Variants in LRP1B observed in about 807,000 individuals in gnomAD.
LRP1B encodes low-density lipoprotein receptor-related protein 1B.
In LRP1B, 217 loss-of-function variants were observed where a neutral mutation model predicts 556.6. The observed-to-expected ratio is 0.39, with a 90% CI of 0.35 to 0.44. The LOEUF (loss-of-function observed/expected upper bound fraction) is 0.44. LRP1B is among the 20% of genes least tolerant of loss of function. The pLI, the probability that LRP1B is intolerant of heterozygous loss-of-function variation, is 1.00. For synonymous variants in LRP1B, 2,047 were observed against 1,865.8 expected (o/e 1.10, Z -2.50); for missense variants, 5,053 against 5,620.8 (o/e 0.90, Z 3.23).
Position 140,247,158 on chromosome 2 carries a change from A to C in LRP1B, c.13252T>G (p.Ser4418Ala), listed in dbSNP as rs1681201812. The C allele has an allele frequency of 6.2e-7, 1 of 1,607,330 alleles. No individual in the cohort carries two copies. The highest frequency in any genetic ancestry group is 8.5e-7 in the Non-Finnish European group (1 of 1,174,996). The change falls in exon 87 of 91, where the codon TCC becomes GCC. Residue 4418 changes from serine (S) to alanine (A), a missense_variant. Ser to Ala is a moderately conservative substitution (Grantham distance 99). Transcript: ENST00000389484. The part of the protein sequence containing the change: ...PETNVPVCLC[S>A]TNWSGTQCER... The stretch of plus-strand genomic sequence containing the variant: ...CACTGTGTGCCTGACCAGTTGGTGG[A>C]GCATCTAAAAATATCCAAACAACAA...
At chr2:141,584,310 G>T (rs1291521588) in intron 2 of LRP1B, among the ~76,000 whole-genome samples, 3 of 152,082 alleles carry the variant, frequency 2.0e-5, no homozygotes, top group Admixed American at 6.5e-5. Context: ...GAGATGGAAT[G>T]GTCAAGTGAT....
At chr2:141,425,499 A>T (rs1434697945) in intron 3 of LRP1B, among the ~76,000 whole-genome samples, 1 of 151,178 alleles carries the variant, frequency 6.6e-6, no homozygotes, top group Non-Finnish European at 1.5e-5. Flanking sequence ...CGCCACACTG[A>T]CTTCCACAAT....
intron 1 of LRP1B, among the ~76,000 whole-genome samples, chr2:142,040,034 T>G (rs1203545220): frequency 6.6e-6 from 1 of 151,478 alleles, no homozygotes; most frequent in Non-Finnish European, 1.5e-5. Context: ...ATTGCTGATA[T>G]GAAGATAATG....
rs568942330 is a variant in LRP1B, at chr2:141,440,513, A to G, written c.343+39883T>C. 4.6e-5 allele frequency among the ~76,000 whole-genome samples: 7 copies of G among 152,346 alleles called. No individual in the cohort carries two copies. The East Asian group carries it at 1.4e-3, about 29-fold the overall frequency. ...AGGGTATCCGGGCAGGAAGAACAAC[A>G]TGCGAGGGCTGGGCATGACCTGTCT... is the stretch of plus-strand genomic sequence containing the variant. On this transcript the variant is annotated intron_variant, in intron 3 of 90. Transcript: ENST00000389484.
intron 7 of LRP1B, among the ~76,000 whole-genome samples, chr2:141,072,769 C>T (rs1397303730): frequency 6.6e-6 from 1 of 152,122 alleles, no homozygotes; most frequent in Non-Finnish European, 1.5e-5. Flanking sequence ...ATAGTCTTGC[C>T]TCTTTCTGTC....
At chr2:140,870,719 T>C (rs997372125) in intron 25 of LRP1B, among the ~76,000 whole-genome samples, 3 of 152,136 alleles carry the variant, frequency 2.0e-5, no homozygotes, top group African/African-American at 7.2e-5. Flanking sequence ...CATTTAATTA[T>C]ATATAGTTTT....
At chr2:141,724,935 T>C (rs1234596755) in intron 2 of LRP1B, among the ~76,000 whole-genome samples, 5 of 152,014 alleles carry the variant, frequency 3.3e-5, no homozygotes, top group East Asian at 3.9e-4. Flanking sequence ...AAATTAATTA[T>C]ATTTCTAACC....
intron 3 of LRP1B, among the ~76,000 whole-genome samples, chr2:141,290,205 A>G (rs1337907619): frequency 6.6e-6 from 1 of 152,188 alleles, no homozygotes; most frequent in African/African-American, 2.4e-5. Context: ...TTAAAGAGCA[A>G]TAGCTCTACT....
In LRP1B at chr2:141,661,954, G is replaced by C. The variant is rs116686844; in HGVS notation, c.205+148325C>G. ...GAGAAAGGCCAGGTCACGTACAAAG[G>C]AAAGTCTGTCAGAATAACAGTGGAG... On this transcript the variant is annotated intron_variant, in intron 2 of 90. Coordinates refer to ENST00000389484, the MANE Select transcript of LRP1B (RefSeq NM_018557.3). 1.4e-3 allele frequency among the ~76,000 whole-genome samples: 214 copies of C among 152,278 alleles called. 1 individual carries two copies. The highest frequency in any genetic ancestry group is 5.0e-3 in the African/African-American group (206 of 41,550).
rs1271063655 is a variant in LRP1B at position 141,699,527 on chromosome 2, G to A, written c.205+110752C>T. ...TAATGCCTGTGTTTATTTTTAATTA[G>A]TTGATTTTCACTCTTACCCTCAATA... On this transcript the variant is annotated intron_variant, in intron 2 of 90. Coordinates refer to ENST00000389484, the MANE Select transcript of LRP1B (RefSeq NM_018557.3). Among the ~76,000 whole-genome samples, 4 of 151,560 alleles carry A rather than the reference G, an allele frequency of 2.6e-5. No individual in the cohort carries two copies. The Admixed American group carries it at 2.6e-4, about 10-fold the overall frequency.
intron 31 of LRP1B, among the ~76,000 whole-genome samples, chr2:140,823,088 G>T (rs1434831821): frequency 2.0e-5 from 3 of 152,112 alleles, no homozygotes; most frequent in African/African-American, 4.8e-5. Flanking sequence ...CTCAATAAGT[G>T]CATGCAGACA....
At chr2:142,066,044 GAAATGA>G (rs1054039130) in intron 1 of LRP1B, among the ~76,000 whole-genome samples, 5 of 151,236 alleles carry the variant, frequency 3.3e-5, no homozygotes, top group Middle Eastern at 3.2e-3. Context: ...CAAAAAGTGT[GAAATGA>G]AAGGGAAAAA....
chr2:141,899,038 T>C (rs1192772571), intron 1 of LRP1B, among the ~76,000 whole-genome samples: 2 of 152,172 alleles, frequency 1.3e-5, no homozygotes, highest in African/African-American at 4.8e-5. Flanking sequence ...TGTGTGTTTA[T>C]GATTTATGAG....
intron 21 of LRP1B, among the ~76,000 whole-genome samples, chr2:140,917,956 A>G (rs570627916): frequency 1.1e-4 from 16 of 152,188 alleles, no homozygotes; most frequent in Admixed American, 9.2e-4. Context: ...GTGGGAGTAT[A>G]CAGGAAGTCT....
chr2:141,126,031 CCTTTT>C (rs1422089672), intron 7 of LRP1B, among the ~76,000 whole-genome samples: 4 of 117,148 alleles, frequency 3.4e-5, no homozygotes, highest in African/African-American at 1.0e-4. Flanking sequence ...CTACTTTCTT[CCTTTT>C]ATTTTTTTTT....
chr2:140,996,475 T>C (rs1697249336), intron 15 of LRP1B, among the ~76,000 whole-genome samples: 1 of 152,048 alleles, frequency 6.6e-6, no homozygotes, highest in South Asian at 2.1e-4. Flanking sequence ...TGTTTTATAA[T>C]TAATTTTTAC....
At chr2:141,399,530 T>C (rs1209770028) in intron 3 of LRP1B, among the ~76,000 whole-genome samples, 1 of 152,176 alleles carries the variant, frequency 6.6e-6, no homozygotes, top group Non-Finnish European at 1.5e-5. Context: ...AGTTTTCTTC[T>C]TTTTCCTTCC....
intron 7 of LRP1B, among the ~76,000 whole-genome samples, chr2:141,151,009 C>T (rs1005592780): frequency 2.0e-5 from 3 of 151,560 alleles, no homozygotes; most frequent in Non-Finnish European, 4.4e-5. Flanking sequence ...TATTTAGGTA[C>T]TATTTTAGTA....
chr2:140,321,300 ATTCCAGC>A (rs1325108849), intron 82 of LRP1B, among the ~76,000 whole-genome samples: 2 of 151,870 alleles, frequency 1.3e-5, no homozygotes, highest in East Asian at 1.9e-4. Context: ...TTTATTGATT[ATTCCAGC>A]TTCTAGCTTC....
Sources: gnomAD v4.1 joint callset for allele counts (sites outside exome capture counted in the v4.1 genomes callset) on GRCh38, gnomAD v4.1.1 for gene constraint, MANE v1.5 for transcripts, NCBI Gene and HGNC (gene_info 2026-07-23, HGNC 2026-07-21) for gene names.